The following PARD3B variants were observed in gnomAD, a reference collection of about 807,000 sequenced individuals.
PARD3B encodes par-3 family cell polarity regulator beta, also known as partitioning defective 3 homolog B.
A neutral mutation model predicts 130.2 loss-of-function variants in PARD3B; 103 were observed. That is an observed-to-expected ratio of 0.79 (90% CI 0.67 to 0.93). The LOEUF is 0.93. Ranked by LOEUF, PARD3B falls within the 40% of genes least tolerant of loss-of-function variation. PARD3B has a pLI of 0.00. For missense variants in PARD3B, 1,609 were observed against 1,499.2 expected, an observed-to-expected ratio of 1.07 and a Z score of -1.21; for synonymous variants, 583 against 553.2, an observed-to-expected ratio of 1.05 and a Z score of -0.76.
intron 15 of PARD3B, among the ~76,000 whole-genome samples, chr2:205,215,116 G>C (rs537533060): frequency 6.6e-6 from 1 of 151,960 alleles, no homozygotes; most frequent in South Asian, 2.1e-4. Flanking sequence ...GTTTTAGAAG[G>C]TTCATTTTAA....
chr2:205,308,938 TG>T (rs1264811206), intron 18 of PARD3B, among the ~76,000 whole-genome samples: 1 of 152,224 alleles, frequency 6.6e-6, no homozygotes, highest in Non-Finnish European at 1.5e-5. Context: ...ATCCCACCCT[TG>T]GTGACGGTCT....
intron 4 of PARD3B, among the ~76,000 whole-genome samples, chr2:205,059,265 C>T (rs1020928004): frequency 3.8e-4 from 57 of 151,938 alleles, no homozygotes; most frequent in African/African-American, 1.4e-3. Flanking sequence ...ATTTCTCAGT[C>T]CTTGATGTGG....
At chr2:205,602,510 C>T (rs561075409) in intron 22 of PARD3B, among the ~76,000 whole-genome samples, 2 of 152,244 alleles carry the variant, frequency 1.3e-5, no homozygotes, top group African/African-American at 4.8e-5. Flanking sequence ...TGGTCCTGGG[C>T]CTTTTTTGGT....
intron 14 of PARD3B, among the ~76,000 whole-genome samples, chr2:205,188,803 A>AG (rs1415223225): frequency 2.7e-5 from 4 of 147,310 alleles, no homozygotes; most frequent in Non-Finnish European, 6.0e-5. Flanking sequence ...AAAAAAAAAA[A>AG]GGAAAAGCCC....
At chr2:204,838,703 G>T (rs1464619981) in intron 2 of PARD3B, among the ~76,000 whole-genome samples, 1 of 152,070 alleles carries the variant, frequency 6.6e-6, no homozygotes, top group Non-Finnish European at 1.5e-5. Flanking sequence ...ATAGCTATTA[G>T]AGAATAATTA....
intron 4 of PARD3B, among the ~76,000 whole-genome samples, chr2:205,080,858 C>T (rs937439765): frequency 2.6e-5 from 4 of 152,016 alleles, no homozygotes; most frequent in Admixed American, 6.6e-5. Context: ...GTTTAATTTT[C>T]GTTTCCTTGA....
chr2:204,763,057 G>A (rs1295047225), intron 2 of PARD3B, among the ~76,000 whole-genome samples: 1 of 152,158 alleles, frequency 6.6e-6, no homozygotes, highest in South Asian at 2.1e-4. Context: ...ACTGCGCCCG[G>A]CCTTGTTCGT....
At chr2:205,095,030 A>G (rs962983135) in intron 4 of PARD3B, among the ~76,000 whole-genome samples, 3 of 152,192 alleles carry the variant, frequency 2.0e-5, no homozygotes, top group African/African-American at 7.2e-5. Flanking sequence ...AGAAGATGGT[A>G]TAGTTTAAAT....
chr2:205,614,583 G>T lies in PARD3B; in HGVS notation c.3261-873G>T, dbSNP rs2055352302. Among the ~76,000 whole-genome samples the T allele has an allele frequency of 2.6e-5, 4 of 151,998 alleles. No individual in the cohort carries two copies. The South Asian group carries it at 8.3e-4, about 32-fold the overall frequency. ...TAGTCAGGTGTAGTGGTGGGCACCT[G>T]TAGTTCCATCTACTCGGTAGGCTGA... On this transcript the variant is annotated intron_variant, in intron 22 of 22. Coordinates refer to ENST00000406610, the MANE Select transcript of PARD3B (RefSeq NM_001302769.2).
At chr2:204,819,681 A>G (rs2043267911) in intron 2 of PARD3B, among the ~76,000 whole-genome samples, 1 of 152,208 alleles carries the variant, frequency 6.6e-6, no homozygotes, top group South Asian at 2.1e-4. Flanking sequence ...AACAGCCAAG[A>G]TATGCATAGA....
At chr2:205,443,699 G>A (rs944042182) in intron 20 of PARD3B, among the ~76,000 whole-genome samples, 1 of 152,142 alleles carries the variant, frequency 6.6e-6, no homozygotes, top group South Asian at 2.1e-4. Context: ...GCCTGTTAGG[G>A]GAGCTCAGAA....
intron 21 of PARD3B, among the ~76,000 whole-genome samples, chr2:205,504,748 T>C (rs2050286305): frequency 6.6e-6 from 1 of 152,172 alleles, no homozygotes; most frequent in African/African-American, 2.4e-5. Context: ...CAACAGGTGC[T>C]GGAAAGGATG....
chr2:205,294,142 T>C (rs547293740), intron 16 of PARD3B, among the ~76,000 whole-genome samples: 16 of 152,230 alleles, frequency 1.1e-4, no homozygotes, highest in African/African-American at 3.4e-4. Flanking sequence ...GTTTTTTTAA[T>C]CCAGTAGAGT....
At chr2:205,606,601 C>G (rs929141236) in intron 22 of PARD3B, among the ~76,000 whole-genome samples, 8 of 152,114 alleles carry the variant, frequency 5.3e-5, no homozygotes, top group Non-Finnish European at 1.2e-4. Context: ...TCCTATGCTG[C>G]CCCTGGTATT....
intron 16 of PARD3B, among the ~76,000 whole-genome samples, chr2:205,252,785 G>A (rs189035825): frequency 1.4e-5 from 2 of 146,242 alleles, no homozygotes; most frequent in African/African-American, 5.0e-5. Flanking sequence ...TAAATAAGAG[G>A]TCACTTTTAT....
chr2:204,780,294 C>G (rs1357489986), intron 2 of PARD3B, among the ~76,000 whole-genome samples: 1 of 152,018 alleles, frequency 6.6e-6, no homozygotes, highest in Non-Finnish European at 1.5e-5. Context: ...AGTCATGACC[C>G]TTTCCTGGGT....
At chr2:205,594,306 G>A (rs1250899655) in intron 22 of PARD3B, among the ~76,000 whole-genome samples, 1 of 152,110 alleles carries the variant, frequency 6.6e-6, no homozygotes, top group Non-Finnish European at 1.5e-5. Context: ...AGTTATTTAG[G>A]GATAATTTAT....
intron 13 of PARD3B, among the ~76,000 whole-genome samples, chr2:205,181,127 A>G (rs1477042369): frequency 1.3e-5 from 2 of 152,146 alleles, no homozygotes; most frequent in African/African-American, 4.8e-5. Context: ...TCTGCCCAGC[A>G]TCACCCACTG....
intron 15 of PARD3B, among the ~76,000 whole-genome samples, chr2:205,194,036 C>G (rs1200432422): frequency 2.0e-5 from 3 of 152,204 alleles, no homozygotes; most frequent in East Asian, 3.8e-4. Context: ...TAGAGCATCA[C>G]TGCCCTCCCA....
Sources: gnomAD v4.1 joint callset for allele counts (sites outside exome capture counted in the v4.1 genomes callset) on GRCh38, gnomAD v4.1.1 for gene constraint, MANE v1.5 for transcripts, NCBI Gene and HGNC (gene_info 2026-07-23, HGNC 2026-07-21) for gene names.